The following KANK1 variants were observed in gnomAD, a reference collection of about 807,000 sequenced individuals.
KANK1 encodes KN motif and ankyrin repeat domains 1.
In KANK1, 109 loss-of-function variants were observed where a neutral mutation model predicts 106.2. The observed-to-expected ratio is 1.03, with a 90% CI of 0.88 to 1.20. The LOEUF is 1.20. Ranked by LOEUF, KANK1 falls within the 50% of genes most tolerant of loss-of-function variation. The probability of loss-of-function intolerance (pLI) is 0.00; values close to 1 mark genes in which losing one functional copy is unlikely to be tolerated. For synonymous variants in KANK1, 873 were observed against 652.2 expected (o/e 1.34, Z -5.16); for missense variants, 2,399 against 1,710.7 (o/e 1.40, Z -7.10).
rs34435817 is a variant in KANK1 at position 518,385 on chromosome 9, C to T, written c.-84+13631C>T. Among the ~76,000 whole-genome samples, 1,225 of 151,688 alleles carry T rather than the reference C, an allele frequency of 8.1e-3. 6 individuals carry two copies. Among genetic ancestry groups the T allele is most frequent in the Non-Finnish European group, 0.013 (851 of 68,024 alleles). On this transcript the variant is annotated intron_variant, in intron 1 of 11. Transcript: ENST00000382297. The stretch of plus-strand genomic sequence containing the variant: ...TCATCCCGAGCCTCCCCTTCTCCCT[C>T]CTTGACCCCCAGTGGCCCAGGGCAG...
At chr9:545,621 A>G (rs1477460538) in intron 1 of KANK1, among the ~76,000 whole-genome samples, 3 of 152,060 alleles carry the variant, frequency 2.0e-5, no homozygotes, top group Non-Finnish European at 4.4e-5. Flanking sequence ...TGCAGAGCCA[A>G]GAGAATTGAG....
chr9:568,358 G>A (rs1017154292), intron 1 of KANK1, among the ~76,000 whole-genome samples: 1 of 152,166 alleles, frequency 6.6e-6, no homozygotes, highest in Non-Finnish European at 1.5e-5. Flanking sequence ...ACATGTTTAA[G>A]ATATGTATCA....
chr9:601,959 T>C, intron 1 of KANK1, among the ~76,000 whole-genome samples: 1 of 151,996 alleles, frequency 6.6e-6, no homozygotes, highest in South Asian at 2.1e-4. Context: ...CCATGAGTTT[T>C]ATGGTGAGCT....
intron 3 of KANK1, chr9:476,489 C>T (rs951037068): frequency 6.6e-6 from 1 of 152,112 alleles, no homozygotes; most frequent in African/African-American, 2.4e-5. Flanking sequence ...CCACTGCACT[C>T]CAGCCTGGGC....
At chr9:488,378 AC>A (rs2058327979) in intron 3 of KANK1, among the ~76,000 whole-genome samples, 1 of 152,236 alleles carries the variant, frequency 6.6e-6, no homozygotes, top group African/African-American at 2.4e-5. Context: ...CAAGTTTCTT[AC>A]ACTTTTGTGT....
intron 1 of KANK1, among the ~76,000 whole-genome samples, chr9:639,109 C>T (rs746706878): frequency 3.2e-4 from 49 of 152,300 alleles, no homozygotes; most frequent in Middle Eastern, 6.8e-3. Context: ...TCCCCCCACA[C>T]ATCTGATTGC....
chr9:684,214 C>G (rs893262196), intron 2 of KANK1: 16 of 985,262 alleles, frequency 1.6e-5, no homozygotes, highest in Non-Finnish European at 1.9e-5. Context: ...GCTTAAGCAT[C>G]AGATTTCAGA....
At chr9:538,887 T>C (rs2060442410) in intron 1 of KANK1, among the ~76,000 whole-genome samples, 1 of 151,942 alleles carries the variant, frequency 6.6e-6, no homozygotes, top group Non-Finnish European at 1.5e-5. Flanking sequence ...TTGTTTTTTA[T>C]TTATTTATTT....
chr9:533,804 G>T (rs16919226), intron 1 of KANK1, among the ~76,000 whole-genome samples: 6,068 of 152,290 alleles, frequency 0.04, 125 homozygotes, highest in Non-Finnish European at 0.052. Context: ...TCTTCTGGAA[G>T]TGGGCTGGAA....
chr9:605,217 C>G (rs1343243504), intron 1 of KANK1, among the ~76,000 whole-genome samples: 4 of 148,348 alleles, frequency 2.7e-5, no homozygotes, highest in Non-Finnish European at 5.9e-5. Context: ...AGGAGAATCA[C>G]TTGAACGTGG....
At position 554,402 on chromosome 9, in the gene KANK1, G is replaced by A. The variant is rs182907389; in HGVS notation, c.-84+49648G>A. ...TGTTCTATTCTGGCCCTCACTGATT[G>A]GATGACACCCATCCACACTGATGAG... On this transcript the variant is annotated intron_variant, in intron 1 of 11. Transcript: ENST00000382297. Among the ~76,000 whole-genome samples the A allele has an allele frequency of 2.9e-3, 440 of 152,222 alleles. 4 individuals carry two copies. The highest frequency in any genetic ancestry group is 0.011 in the South Asian group (54 of 4,820).
intron 1 of KANK1, among the ~76,000 whole-genome samples, chr9:585,331 G>A (rs1327426722): frequency 2.0e-5 from 3 of 152,156 alleles, no homozygotes; most frequent in Non-Finnish European, 2.9e-5. Flanking sequence ...CGTTCACTTT[G>A]TCACAAAATC....
chr9:730,647 C>A, intron 4 of KANK1: 1 of 234,328 alleles, frequency 4.3e-6, no homozygotes, highest in Non-Finnish European at 8.4e-6. Flanking sequence ...GAGCTGAGAT[C>A]ACGCCACTGC....
At position 742,202 on chromosome 9, in the gene KANK1, T is replaced by C. The variant is rs775626422; in HGVS notation, c.3697-3T>C. 9 of 1,613,860 alleles carry C rather than the reference T, an allele frequency of 5.6e-6. No individual in the cohort carries two copies. In the South Asian group the frequency reaches 8.8e-5, roughly 16 times the overall value. On this transcript the variant is annotated splice_polypyrimidine_tract_variant and splice_region_variant and intron_variant, in intron 9 of 11. Coordinates refer to ENST00000382297, the MANE Select transcript of KANK1 (RefSeq NM_015158.5). The stretch of plus-strand genomic sequence containing the variant: ...CTGAAGTCCTTGTCATCTCTTCCCA[T>C]AGGCGGGACAGACGGCCCTCATGCT...
chr9:577,195 T>G (rs1328374307), intron 1 of KANK1, among the ~76,000 whole-genome samples: 1 of 152,224 alleles, frequency 6.6e-6, no homozygotes, highest in African/African-American at 2.4e-5. Context: ...CTCTGCTGGC[T>G]CTGGTGGCCA....
chr9:560,345 A>G (rs998545473), intron 1 of KANK1, among the ~76,000 whole-genome samples: 1 of 152,228 alleles, frequency 6.6e-6, no homozygotes, highest in Non-Finnish European at 1.5e-5. Context: ...AATGTGTTGC[A>G]GGTTGATTAA....
At chr9:488,892 T>C (rs373841818) in intron 3 of KANK1, 2 of 148,336 alleles carry the variant, frequency 1.3e-5, no homozygotes, top group African/African-American at 5.2e-5. Flanking sequence ...TGAAAAATTA[T>C]GGTCAGTGGA....
At chr9:600,982 T>C (rs1239046762) in intron 1 of KANK1, among the ~76,000 whole-genome samples, 1 of 151,772 alleles carries the variant, frequency 6.6e-6, no homozygotes, top group Non-Finnish European at 1.5e-5. Context: ...TACCTTTCTG[T>C]GCTCTGTCAT....
At chr9:716,218 C>G (rs926661073) in intron 3 of KANK1, among the ~76,000 whole-genome samples, 1 of 152,192 alleles carries the variant, frequency 6.6e-6, no homozygotes, top group African/African-American at 2.4e-5. Context: ...GGTTCACATT[C>G]TTTCTCTGTC....
Sources: allele counts gnomAD v4.1 joint callset (sites outside exome capture counted in the v4.1 genomes callset), GRCh38; gene constraint gnomAD v4.1.1; transcripts MANE v1.5; gene names NCBI Gene and HGNC (gene_info 2026-07-23, HGNC 2026-07-21).